Variants in GNAQ observed in about 807,000 individuals in gnomAD.
The protein encoded by GNAQ is guanine nucleotide-binding protein G(q) subunit alpha.
In GNAQ, 8 loss-of-function variants were observed where a neutral mutation model predicts 43.9. The observed-to-expected ratio is 0.18, with a 90% CI of 0.11 to 0.33. The LOEUF is 0.33. Ranked by LOEUF, GNAQ falls within the 10% of genes least tolerant of loss-of-function variation. The probability of loss-of-function intolerance (pLI) is 1.00; values close to 1 mark genes in which losing one functional copy is unlikely to be tolerated. For missense variants in GNAQ, 158 were observed against 450.8 expected, an observed-to-expected ratio of 0.35 and a Z score of 5.88; for synonymous variants, 155 against 170.7, an observed-to-expected ratio of 0.91 and a Z score of 0.71.
intron 1 of GNAQ, among the ~76,000 whole-genome samples, chr9:77,994,644 T>C (rs1358602307): frequency 6.6e-6 from 1 of 152,156 alleles, no homozygotes; most frequent in African/African-American, 2.4e-5. Flanking sequence ...AGGTATTCTT[T>C]CTCCCTGTGC....
At chr9:77,727,649 A>G (rs192343328) in intron 6 of GNAQ, among the ~76,000 whole-genome samples, 3 of 152,346 alleles carry the variant, frequency 2.0e-5, no homozygotes, top group East Asian at 3.9e-4. Context: ...CTGAGTATTC[A>G]TAAGTGTCCT....
chr9:77,828,098 G>T (rs145480958), intron 2 of GNAQ, among the ~76,000 whole-genome samples: 833 of 54,930 alleles, frequency 0.015, 4 homozygotes, highest in African/African-American at 0.044. Context: ...AAAAAAGAAG[G>T]GGCAGTGAAA....
chr9:77,757,900 A>G (rs893478926), intron 5 of GNAQ, among the ~76,000 whole-genome samples: 1 of 152,244 alleles, frequency 6.6e-6, no homozygotes, highest in Non-Finnish European at 1.5e-5. Flanking sequence ...TCCCTAACAT[A>G]TGAATATCAT....
At chr9:77,863,220 G>GAA in intron 2 of GNAQ, among the ~76,000 whole-genome samples, 1 of 34,334 alleles carries the variant, frequency 2.9e-5, no homozygotes, top group South Asian at 8.5e-4. Context: ...GGAAGGAAGG[G>GAA]AGGAAGGAAG....
At chr9:77,723,706 T>A (rs948385861) in intron 6 of GNAQ, among the ~76,000 whole-genome samples, 1 of 152,204 alleles carries the variant, frequency 6.6e-6, no homozygotes, top group Non-Finnish European at 1.5e-5. Context: ...ATTGTATGCT[T>A]GCACACATAT....
intron 2 of GNAQ, among the ~76,000 whole-genome samples, chr9:77,893,999 C>T (rs552355729): frequency 7.9e-5 from 12 of 152,070 alleles, no homozygotes; most frequent in African/African-American, 2.2e-4. Context: ...AGAATGGCTC[C>T]GGCATACCAG....
intron 2 of GNAQ, among the ~76,000 whole-genome samples, chr9:77,893,604 T>C (rs1587391973): frequency 6.6e-6 from 1 of 152,326 alleles, no homozygotes; most frequent in East Asian, 1.9e-4. Context: ...TTGCTTTCAC[T>C]TTACTCTATG....
At chr9:77,855,687 A>G (rs769876555) in intron 2 of GNAQ, among the ~76,000 whole-genome samples, 35 of 152,152 alleles carry the variant, frequency 2.3e-4, no homozygotes, top group Non-Finnish European at 4.7e-4. Flanking sequence ...ATTTCAAGGC[A>G]AAGATGCTGA....
chr9:77,967,586 C>CACATATG (rs1248241185), intron 1 of GNAQ, among the ~76,000 whole-genome samples: 1 of 152,112 alleles, frequency 6.6e-6, no homozygotes, highest in Non-Finnish European at 1.5e-5. Flanking sequence ...CATATGATTC[C>CACATATG]ATTTATTTGA....
chr9:77,796,057 C>T (rs937776063), intron 4 of GNAQ, among the ~76,000 whole-genome samples: 1 of 152,142 alleles, frequency 6.6e-6, no homozygotes, highest in South Asian at 2.1e-4. Flanking sequence ...TTAAAGATTT[C>T]TAAATACCAT....
chr9:77,756,815 T>C (rs11145554), intron 5 of GNAQ, among the ~76,000 whole-genome samples: 5,855 of 152,298 alleles, frequency 0.038, 338 homozygotes, highest in African/African-American at 0.13. Context: ...CAGGTTTCCT[T>C]ATCTGTAAAA....
chr9:77,782,412 C>T (rs1826408856), intron 5 of GNAQ, among the ~76,000 whole-genome samples: 1 of 152,134 alleles, frequency 6.6e-6, no homozygotes, highest in African/African-American at 2.4e-5. Context: ...TATCATAAGT[C>T]ATTAGGGAAA....
intron 2 of GNAQ, among the ~76,000 whole-genome samples, chr9:77,880,025 A>C (rs1587383121): frequency 6.6e-6 from 1 of 152,340 alleles, no homozygotes; most frequent in Non-Finnish European, 1.5e-5. Context: ...TAGTGAGTAG[A>C]AAATCAATCA....
chr9:77,871,556 T>TG (rs1191375142), intron 2 of GNAQ, among the ~76,000 whole-genome samples: 1 of 152,192 alleles, frequency 6.6e-6, no homozygotes, highest in African/African-American at 2.4e-5. Flanking sequence ...TCAACAGTGG[T>TG]GGGCTTTTCT....
intron 1 of GNAQ, among the ~76,000 whole-genome samples, chr9:77,926,092 CCAA>C (rs1829069074): frequency 6.6e-6 from 1 of 152,046 alleles, no homozygotes; most frequent in African/African-American, 2.4e-5. Context: ...ATAGGGAAGG[CCAA>C]ATGCATATGG....
intron 6 of GNAQ, among the ~76,000 whole-genome samples, chr9:77,726,858 A>T (rs72734713): frequency 1.2e-4 from 18 of 152,132 alleles, no homozygotes; most frequent in Non-Finnish European, 2.2e-4. Context: ...GCTCTTAACT[A>T]TCTAGACCAC....
intron 2 of GNAQ, among the ~76,000 whole-genome samples, chr9:77,897,639 C>T (rs1828524786): frequency 6.6e-6 from 1 of 152,174 alleles, no homozygotes; most frequent in African/African-American, 2.4e-5. Flanking sequence ...TGGGGGTGTC[C>T]CCTGAGATTC....
At chr9:77,757,576 C>A (rs1290036664) in intron 5 of GNAQ, among the ~76,000 whole-genome samples, 2 of 152,174 alleles carry the variant, frequency 1.3e-5, no homozygotes, top group Non-Finnish European at 2.9e-5. Flanking sequence ...GTCTCCAATT[C>A]GTGCCAACAT....
At chr9:77,820,515 A>G (rs1410558) in intron 2 of GNAQ, among the ~76,000 whole-genome samples, 81,836 of 152,046 alleles carry the variant, frequency 0.54, 24,929 homozygotes, top group Middle Eastern at 0.69. Flanking sequence ...GCCTCTCCAC[A>G]CTTATGATTC....
Sources: allele counts gnomAD v4.1 joint callset (sites outside exome capture counted in the v4.1 genomes callset), GRCh38; gene constraint gnomAD v4.1.1; transcripts MANE v1.5; gene names NCBI Gene and HGNC (gene_info 2026-07-23, HGNC 2026-07-21).